The following NRF1 variants were observed in gnomAD, a reference collection of about 807,000 sequenced individuals.
NRF1 encodes alpha palindromic-binding protein.
NRF1 carries 5 observed loss-of-function variants against 58.5 expected under a neutral mutation model. The ratio of observed to expected loss-of-function variants is 0.09; its 90% CI spans 0.04 to 0.18. NRF1 has a LOEUF of 0.18. Ranked by LOEUF, NRF1 falls within the 10% of genes least tolerant of loss-of-function variation. The pLI is 1.00. For missense variants in NRF1, 288 were observed against 657.7 expected, an observed-to-expected ratio of 0.44 and a Z score of 6.15; for synonymous variants, 224 against 246.7, an observed-to-expected ratio of 0.91 and a Z score of 0.86.
At chr7:129,642,775 T>TTTTTGAGACGGAGTCTCGC (rs1238199755) in intron 1 of NRF1, among the ~76,000 whole-genome samples, 1 of 148,924 alleles carries the variant, frequency 6.7e-6, no homozygotes, top group South Asian at 2.2e-4. Context: ...TTTTTTTTTT[T>TTTTTGAGACGGAGTCTCGC]TAAATGAGAT....
chr7:129,685,556 AGTGTGTGT>A (rs67721424), intron 4 of NRF1, among the ~76,000 whole-genome samples: 7,414 of 142,996 alleles, frequency 0.052, 205 homozygotes, highest in Middle Eastern at 0.12. Context: ...GTCTCATTCA[AGTGTGTGT>A]GTGTGTGTGT....
intron 9 of NRF1, among the ~76,000 whole-genome samples, chr7:129,724,165 A>G (rs1803397548): frequency 6.6e-6 from 1 of 152,260 alleles, no homozygotes; most frequent in Non-Finnish European, 1.5e-5. Flanking sequence ...ATTGATATCC[A>G]GAATATATAG....
At position 129,709,248 on chromosome 7, in the gene NRF1, G is replaced by T; in HGVS notation, c.765+15G>T. ...AAAAGCAGAGGGTGAGAGTTCCTCT[G>T]ACTGAGTTGCCTGGTTGCTTTTCCA... On this transcript the variant is annotated intron_variant, in intron 6 of 10. Coordinates refer to ENST00000393232, the MANE Select transcript of NRF1 (RefSeq NM_005011.5). 2.1e-6 allele frequency: 3 copies of T among 1,440,906 alleles called. No individual in the cohort carries two copies. The South Asian group carries it at 4.7e-5, about 23-fold the overall frequency. The allele number at this position is 1,440,906 out of a possible 1,614,324, so 89.3% of individuals were successfully genotyped here.
intron 4 of NRF1, among the ~76,000 whole-genome samples, chr7:129,679,638 T>TCTTGAACC: frequency 6.6e-6 from 1 of 151,648 alleles, no homozygotes; most frequent in Non-Finnish European, 1.5e-5. Flanking sequence ...CAGAAGAATC[T>TCTTGAACC]CTTGAACCCA....
intron 6 of NRF1, 53 bp downstream of exon 6, chr7:129,709,286 C>T (rs535415268): frequency 2.9e-6 from 4 of 1,390,560 alleles, no homozygotes; most frequent in Non-Finnish European, 3.8e-6. Flanking sequence ...CTAAATTAAC[C>T]ACCTCAATTT....
chr7:129,755,254 A>G lies in NRF1; in HGVS notation c.*73A>G. Reference sequence around the variant, plus strand: ...TTACACGTTTGCAGAGGTGCAATCAAATGGAATTAAGTCTCTCGACTTTGG... The same window carrying G: ...TTACACGTTTGCAGAGGTGCAATCAGATGGAATTAAGTCTCTCGACTTTGG... On this transcript the variant is annotated 3_prime_UTR_variant, in exon 11 of 11. Coordinates refer to ENST00000393232, the MANE Select transcript of NRF1 (RefSeq NM_005011.5). This position sits in a 1 kb window ranked among gnomAD's most constrained non-coding sequence, Gnocchi z 5.8. 7.7e-7 allele frequency: 1 copy of G among 1,306,878 alleles called. No homozygotes were observed. The highest frequency in any genetic ancestry group is 1.0e-6 in the Non-Finnish European group (1 of 984,168). 81.0% of individuals were successfully genotyped at this position (1,306,878 alleles called of 1,614,324 possible). A position where few individuals can be genotyped will look rare whatever the true frequency, so the allele number is the denominator to read the frequency against.
chr7:129,630,291 A>G (rs1801018743), intron 1 of NRF1: 1 of 152,236 alleles, frequency 6.6e-6, no homozygotes, highest in African/African-American at 2.4e-5. Context: ...AAATGATGAA[A>G]TAAAAGAACA....
chr7:129,693,455 C>A (rs961555805), intron 5 of NRF1, among the ~76,000 whole-genome samples: 2 of 152,122 alleles, frequency 1.3e-5, no homozygotes, highest in Non-Finnish European at 2.9e-5. Context: ...ACCCACGTCC[C>A]GCAAGACGCA....
chr7:129,673,866 A>C (rs892302830), intron 3 of NRF1, among the ~76,000 whole-genome samples: 136 of 149,584 alleles, frequency 9.1e-4, no homozygotes, highest in African/African-American at 3.2e-3. Context: ...TTGGCTGGGC[A>C]TGGTGGCTCA....
intron 1 of NRF1, 97 bp from the exon 2 acceptor site, chr7:129,657,249 A>G: frequency 1.1e-6 from 1 of 883,302 alleles, no homozygotes. Context: ...GAATTTTGTC[A>G]AGGTTCCTCT....
chr7:129,751,761 T>A (rs1804121825), intron 10 of NRF1, among the ~76,000 whole-genome samples: 1 of 152,252 alleles, frequency 6.6e-6, no homozygotes, highest in Non-Finnish European at 1.5e-5. Context: ...CTGGTTTTGC[T>A]TGCTACTTGC....
intron 2 of NRF1, among the ~76,000 whole-genome samples, chr7:129,668,238 A>G (rs1378563518): frequency 2.6e-5 from 4 of 152,124 alleles, no homozygotes; most frequent in African/African-American, 9.7e-5. Context: ...TCTGCAATTC[A>G]GTTGCTTTGA....
intron 1 of NRF1, among the ~76,000 whole-genome samples, chr7:129,626,102 G>A (rs1800913448): frequency 6.6e-6 from 1 of 152,196 alleles, no homozygotes; most frequent in South Asian, 2.1e-4. Flanking sequence ...TTACAGGCAT[G>A]AGCCACCATC....
intron 1 of NRF1, among the ~76,000 whole-genome samples, chr7:129,640,965 T>G (rs770592693): frequency 6.6e-6 from 1 of 152,236 alleles, no homozygotes; most frequent in African/African-American, 2.4e-5. Context: ...TCAGCCAGTC[T>G]TCATCAGGGT....
chr7:129,706,567 T>C (rs1802954838), intron 5 of NRF1, among the ~76,000 whole-genome samples: 1 of 152,204 alleles, frequency 6.6e-6, no homozygotes, highest in East Asian at 1.9e-4. Context: ...AGGGTGGTTT[T>C]CTACTTGCTA....
At chr7:129,682,119 C>A (rs4509262) in intron 4 of NRF1, among the ~76,000 whole-genome samples, 151,912 of 151,912 alleles carry the variant, frequency 1, 75,956 homozygotes, top group Non-Finnish European at 1. Flanking sequence ...TATACATACC[C>A]AAGCATGTAG....
chr7:129,683,629 C>A (rs564198857), intron 4 of NRF1, among the ~76,000 whole-genome samples: 1 of 125,176 alleles, frequency 8.0e-6, no homozygotes, highest in Non-Finnish European at 1.7e-5. Context: ...CACAACTGGC[C>A]GGAATTTTTT....
chr7:129,711,714 A>T (rs1803078436), intron 8 of NRF1, 138 bp downstream of exon 8: 1 of 618,404 alleles, frequency 1.6e-6, no homozygotes. Flanking sequence ...TGAGACCATG[A>T]AAGTTTTAGA....
At chr7:129,747,650 A>G (rs1469105666) in intron 10 of NRF1, among the ~76,000 whole-genome samples, 20 of 152,354 alleles carry the variant, frequency 1.3e-4, no homozygotes, top group Non-Finnish European at 5.9e-5. Context: ...ACCATTTTAC[A>G]TATGAGGAAA....
Sources: gnomAD v4.1 joint callset for allele counts (sites outside exome capture counted in the v4.1 genomes callset) on GRCh38, gnomAD v4.1.1 for gene constraint, Gnocchi (gnomAD v3.1) non-coding constraint, MANE v1.5 for transcripts, NCBI Gene and HGNC (gene_info 2026-07-23, HGNC 2026-07-21) for gene names.